Variants in FRMPD4 observed in about 807,000 individuals in gnomAD.
FRMPD4 encodes FERM and PDZ domain-containing protein 4.
FRMPD4 carries 22 observed loss-of-function variants against 94.1 expected under a neutral mutation model. The ratio of observed to expected loss-of-function variants is 0.23; its 90% CI spans 0.17 to 0.33. The LOEUF (loss-of-function observed/expected upper bound fraction) is 0.33. Ranked by LOEUF, FRMPD4 falls within the 10% of genes least tolerant of loss-of-function variation. FRMPD4 has a pLI of 1.00. For synonymous variants in FRMPD4, 631 were observed against 548.6 expected, an observed-to-expected ratio of 1.15 and a Z score of -2.10; for missense variants, 1,111 against 1,339.9, an observed-to-expected ratio of 0.83 and a Z score of 2.67.
chrX:12,399,897 G>A (rs1176875458), intron 1 of FRMPD4, among the ~76,000 whole-genome samples: 1 of 111,976 alleles, frequency 8.9e-6, no homozygotes, highest in Non-Finnish European at 1.9e-5. Context: ...AAGAGGTGAT[G>A]TTAGGCATCA....
chrX:12,409,286 G>C (rs1473233360), intron 1 of FRMPD4, among the ~76,000 whole-genome samples: 2 of 111,550 alleles, frequency 1.8e-5, no homozygotes, highest in African/African-American at 6.5e-5. Flanking sequence ...GGCATCTAGT[G>C]ACTAGATGCC....
chrX:12,344,823 A>C (rs1019000611), intron 1 of FRMPD4, among the ~76,000 whole-genome samples: 1 of 111,612 alleles, frequency 9.0e-6, no homozygotes, highest in Non-Finnish European at 1.9e-5. Flanking sequence ...GTGTATGGAG[A>C]TCTCCCGTGG....
intron 3 of FRMPD4, among the ~76,000 whole-genome samples, chrX:12,067,391 T>C (rs180961814): frequency 9.2e-6 from 1 of 109,285 alleles, no homozygotes; most frequent in Admixed American, 9.7e-5. Flanking sequence ...AACAAAGTGT[T>C]TGTTTGTTTG....
chrX:12,705,920 T>C (rs1212255718), intron 11 of FRMPD4, among the ~76,000 whole-genome samples: 1 of 112,183 alleles, frequency 8.9e-6, no homozygotes, highest in Non-Finnish European at 1.9e-5. Context: ...AAGTAACAAT[T>C]ACATAAAGAG....
intron 1 of FRMPD4, among the ~76,000 whole-genome samples, chrX:11,851,307 A>T (rs2053620660): frequency 8.9e-6 from 1 of 111,957 alleles, no homozygotes; most frequent in South Asian, 3.7e-4. Context: ...TCCTCATCCC[A>T]GAAATGAATC....
chrX:12,351,324 C>G (rs192698346), intron 1 of FRMPD4, among the ~76,000 whole-genome samples: 1 of 110,591 alleles, frequency 9.0e-6, no homozygotes, highest in Admixed American at 9.7e-5. Flanking sequence ...AGCCCCCTGC[C>G]CCCCCATTAA....
intron 1 of FRMPD4, among the ~76,000 whole-genome samples, chrX:12,191,103 C>T (rs1023743134): frequency 1.8e-5 from 2 of 112,154 alleles, no homozygotes; most frequent in Non-Finnish European, 3.8e-5. Context: ...TTAACAGACA[C>T]GTCATCAAAG....
chrX:12,540,159 T>G (rs989660342), intron 2 of FRMPD4, among the ~76,000 whole-genome samples: 1 of 112,057 alleles, frequency 8.9e-6, no homozygotes, highest in African/African-American at 3.2e-5. Flanking sequence ...AGACCATCGA[T>G]GCTAGGAAGA....
At chrX:12,052,331 A>G (rs1344554030) in intron 3 of FRMPD4, among the ~76,000 whole-genome samples, 1 of 111,937 alleles carries the variant, frequency 8.9e-6, no homozygotes, top group Non-Finnish European at 1.9e-5. Context: ...TTTTCTGCCT[A>G]GAGCTTGCTA....
At chrX:12,596,460 A>G (rs112892974) in intron 2 of FRMPD4, among the ~76,000 whole-genome samples, 3,214 of 111,103 alleles carry the variant, frequency 0.029, 126 homozygotes, top group African/African-American at 0.1. Flanking sequence ...CTTGGAAGAC[A>G]GTGCTCATTC....
chrX:11,977,635 G>C (rs2054374080), intron 3 of FRMPD4, among the ~76,000 whole-genome samples: 1 of 110,547 alleles, frequency 9.0e-6, no homozygotes, highest in African/African-American at 3.3e-5. Flanking sequence ...TACATTTTAG[G>C]GAGACATGAG....
intron 2 of FRMPD4, among the ~76,000 whole-genome samples, chrX:12,503,893 C>G (rs1201583987): frequency 8.9e-6 from 1 of 111,987 alleles, no homozygotes; most frequent in Non-Finnish European, 1.9e-5. Flanking sequence ...GTCCCTTTAT[C>G]TGTTACTCTG....
intron 3 of FRMPD4, among the ~76,000 whole-genome samples, chrX:12,113,200 T>C (rs191300429): frequency 1.1e-4 from 12 of 111,567 alleles, no homozygotes; most frequent in Admixed American, 9.6e-4. Flanking sequence ...TAGCTTATTA[T>C]TGTAACAGAC....
intron 3 of FRMPD4, among the ~76,000 whole-genome samples, chrX:11,933,239 T>C (rs1039776884): frequency 1.8e-5 from 2 of 112,420 alleles, no homozygotes; most frequent in Non-Finnish European, 3.8e-5. Context: ...TCATGGATCG[T>C]AAATAAACAT....
chrX:11,859,724 G>GT (rs748833114), intron 1 of FRMPD4, among the ~76,000 whole-genome samples: 16 of 111,868 alleles, frequency 1.4e-4, no homozygotes, highest in African/African-American at 4.2e-4. Context: ...TCCTGCTTCT[G>GT]TTTTTTGTTT....
chrX:12,257,115 G>T (rs1204816065), intron 1 of FRMPD4, among the ~76,000 whole-genome samples: 2 of 111,833 alleles, frequency 1.8e-5, no homozygotes, highest in Non-Finnish European at 3.8e-5. Context: ...GGCTTTACTA[G>T]TATAGTGTCT....
At chrX:12,082,048 A>C (rs1249014185) in intron 3 of FRMPD4, among the ~76,000 whole-genome samples, 1 of 112,408 alleles carries the variant, frequency 8.9e-6, no homozygotes, top group Non-Finnish European at 1.9e-5. Context: ...ATAAAATTAT[A>C]ATATGAGATG....
At chrX:12,160,744 G>A (rs1446406594) in intron 1 of FRMPD4, among the ~76,000 whole-genome samples, 1 of 111,273 alleles carries the variant, frequency 9.0e-6, no homozygotes, top group Admixed American at 9.6e-5. Context: ...GTCAAAATAA[G>A]TCATAATTTC....
At chrX:12,617,508 C>T (rs1335317012) in intron 4 of FRMPD4, among the ~76,000 whole-genome samples, 3 of 112,022 alleles carry the variant, frequency 2.7e-5, no homozygotes, top group African/African-American at 9.7e-5. Flanking sequence ...CCTGTGCCTT[C>T]CCATAAGTTT....
Sources: allele counts gnomAD v4.1 joint callset (sites outside exome capture counted in the v4.1 genomes callset), GRCh38; gene constraint gnomAD v4.1.1; transcripts MANE v1.5; gene names NCBI Gene and HGNC (gene_info 2026-07-23, HGNC 2026-07-21).